Variants in CTNNA2 observed in about 807,000 individuals in gnomAD.
The protein encoded by CTNNA2 is catenin alpha-2.
CTNNA2 carries 42 observed loss-of-function variants against 101.0 expected under a neutral mutation model. That is an observed-to-expected ratio of 0.42 (90% CI 0.32 to 0.54). The LOEUF is 0.54. CTNNA2 is among the 20% of genes least tolerant of loss of function. The pLI is 0.14. For synonymous variants in CTNNA2, 450 were observed against 456.4 expected, an observed-to-expected ratio of 0.99 and a Z score of 0.18; for missense variants, 871 against 1,223.1, an observed-to-expected ratio of 0.71 and a Z score of 4.29.
At chr2:80,484,053 C>A (rs1434860113) in intron 9 of CTNNA2, among the ~76,000 whole-genome samples, 1 of 152,020 alleles carries the variant, frequency 6.6e-6, no homozygotes, top group African/African-American at 2.4e-5. Context: ...TAAAAAGAGT[C>A]ATTGAAGAAT....
intron 11 of CTNNA2, among the ~76,000 whole-genome samples, chr2:80,550,880 A>G (rs560997337): frequency 1.3e-5 from 2 of 152,182 alleles, no homozygotes; most frequent in Non-Finnish European, 2.9e-5. Context: ...TGAATCAATC[A>G]TGGATGTTCT....
intron 8 of CTNNA2, among the ~76,000 whole-genome samples, chr2:80,412,817 C>G (rs893206520): frequency 1.3e-5 from 2 of 152,030 alleles, no homozygotes; most frequent in African/African-American, 4.8e-5. Context: ...TCACCCTTTT[C>G]CTGGGACAGG....
intron 7 of CTNNA2, among the ~76,000 whole-genome samples, chr2:79,917,154 T>C (rs35970516): frequency 0.6 from 90,955 of 151,070 alleles, 27,712 homozygotes; most frequent in East Asian, 0.78. Flanking sequence ...TCACTGCAAC[T>C]TCAGCCTCCC....
At chr2:79,425,946 C>T (rs1321307695) in intron 4 of CTNNA2, among the ~76,000 whole-genome samples, 1 of 152,108 alleles carries the variant, frequency 6.6e-6, no homozygotes, top group East Asian at 1.9e-4. Flanking sequence ...TGACAACAGG[C>T]ATGTTAGCAC....
chr2:79,200,813 C>T (rs1408030598), intron 2 of CTNNA2, among the ~76,000 whole-genome samples: 2 of 151,742 alleles, frequency 1.3e-5, no homozygotes, highest in African/African-American at 4.8e-5. Context: ...CATTGAGCTC[C>T]TTGAAAAAAA....
chr2:79,363,994 C>T (rs577325874), intron 3 of CTNNA2, among the ~76,000 whole-genome samples: 1 of 152,288 alleles, frequency 6.6e-6, no homozygotes, highest in Non-Finnish European at 1.5e-5. Context: ...CTTAATGTGA[C>T]TTTGAGCTGG....
chr2:80,339,402 G>A (rs748430539), intron 7 of CTNNA2, among the ~76,000 whole-genome samples: 1 of 152,082 alleles, frequency 6.6e-6, no homozygotes, highest in Non-Finnish European at 1.5e-5. Flanking sequence ...TTTTATTAGA[G>A]ATAGGTTTGG....
At chr2:80,284,567 C>G (rs1674610036) in intron 7 of CTNNA2, among the ~76,000 whole-genome samples, 2 of 152,030 alleles carry the variant, frequency 1.3e-5, no homozygotes, top group Admixed American at 1.3e-4. Flanking sequence ...CTGGGTTTTT[C>G]CTCTACTATG....
intron 6 of CTNNA2, among the ~76,000 whole-genome samples, chr2:79,876,723 A>C (rs1052044806): frequency 6.6e-6 from 1 of 152,196 alleles, no homozygotes; most frequent in Admixed American, 6.5e-5. Context: ...CCGATGCGTC[A>C]GTGCAACAGT....
chr2:79,936,228 AT>A (rs763539444), intron 7 of CTNNA2, among the ~76,000 whole-genome samples: 1 of 124,682 alleles, frequency 8.0e-6, no homozygotes, highest in Non-Finnish European at 1.7e-5. Context: ...GTTTTTTTTT[AT>A]TTTTTTTCTC....
intron 7 of CTNNA2, among the ~76,000 whole-genome samples, chr2:80,306,723 C>G (rs1053051938): frequency 6.6e-6 from 1 of 151,824 alleles, no homozygotes. Flanking sequence ...AGGAGGCACC[C>G]GCAGGGTTAA....
At chr2:80,104,711 A>G (rs1448946370) in intron 7 of CTNNA2, among the ~76,000 whole-genome samples, 1 of 152,202 alleles carries the variant, frequency 6.6e-6, no homozygotes, top group African/African-American at 2.4e-5. Context: ...GCACATTGAA[A>G]AGTTAATTCA....
intron 2 of CTNNA2, among the ~76,000 whole-genome samples, chr2:79,242,724 G>A (rs144888537): frequency 6.6e-4 from 101 of 152,054 alleles, no homozygotes; most frequent in Middle Eastern, 3.4e-3. Context: ...TCTCAGCACC[G>A]TGGGAGGAGA....
intron 7 of CTNNA2, among the ~76,000 whole-genome samples, chr2:80,204,619 C>G (rs1475553300): frequency 6.6e-6 from 1 of 152,136 alleles, no homozygotes; most frequent in Non-Finnish European, 1.5e-5. Flanking sequence ...TTCAACAAGT[C>G]TCTAGGAAGT....
intron 7 of CTNNA2, among the ~76,000 whole-genome samples, chr2:80,100,025 A>T (rs1437657332): frequency 6.6e-6 from 1 of 151,974 alleles, no homozygotes; most frequent in African/African-American, 2.4e-5. Flanking sequence ...CACCTCCCAG[A>T]TTCAAGCAAT....
chr2:79,405,710 A>T (rs911136417), intron 4 of CTNNA2, among the ~76,000 whole-genome samples: 5 of 152,088 alleles, frequency 3.3e-5, no homozygotes, highest in African/African-American at 1.2e-4. Flanking sequence ...TTATATGTGT[A>T]TACCATGTAT....
intron 3 of CTNNA2, among the ~76,000 whole-genome samples, chr2:79,372,997 G>T (rs1677906522): frequency 6.6e-6 from 1 of 152,174 alleles, no homozygotes; most frequent in Non-Finnish European, 1.5e-5. Flanking sequence ...CAGCAGCATA[G>T]TATAGGAACC....
chr2:80,166,206 C>G (rs1281499627), intron 7 of CTNNA2, among the ~76,000 whole-genome samples: 3 of 152,072 alleles, frequency 2.0e-5, no homozygotes. Context: ...TCAACCATAC[C>G]TGAGTTTAGT....
chr2:79,608,117 A>T (rs1007142361), intron 1 of CTNNA2, among the ~76,000 whole-genome samples: 1 of 152,070 alleles, frequency 6.6e-6, no homozygotes, highest in South Asian at 2.1e-4. Context: ...TATGACAAGG[A>T]TAATAGAATA....
Sources: gnomAD v4.1 joint callset for allele counts (sites outside exome capture counted in the v4.1 genomes callset) on GRCh38, gnomAD v4.1.1 for gene constraint, MANE v1.5 for transcripts, NCBI Gene and HGNC (gene_info 2026-07-23, HGNC 2026-07-21) for gene names.